The following GLUD1 variants were observed in gnomAD, a reference collection of about 807,000 sequenced individuals.
GLUD1 encodes glutamate dehydrogenase 1, mitochondrial.
GLUD1 carries 22 observed loss-of-function variants against 56.0 expected under a neutral mutation model. That is an observed-to-expected ratio of 0.39 (90% CI 0.28 to 0.56). GLUD1 has a LOEUF of 0.56. Among genes scored for constraint, GLUD1 ranks in the 20% least tolerant of loss-of-function variants. The pLI is 0.58. For missense variants in GLUD1, 451 were observed against 732.0 expected (o/e 0.62, Z 4.43); for synonymous variants, 223 against 269.9 (o/e 0.83, Z 1.70).
chr10:87,083,846 C>T (rs552173925), intron 1 of GLUD1, among the ~76,000 whole-genome samples: 1 of 151,904 alleles, frequency 6.6e-6, no homozygotes, highest in South Asian at 2.1e-4. Flanking sequence ...CACGCACACA[C>T]CGCATCTTAA....
chr10:87,066,430 C>T (rs1005050813), intron 5 of GLUD1, among the ~76,000 whole-genome samples: 2 of 152,174 alleles, frequency 1.3e-5, no homozygotes, highest in South Asian at 2.1e-4. Flanking sequence ...CCTGGCCTGA[C>T]CCTTTTTTCT....
rs1845607401 is a variant in GLUD1, at chr10:87,050,581, A to T, written c.*1170T>A. ...GAAATTTCTGAAGGGTGTTAGAGTT[A>T]AAAAAAAAAAAAAAGCTGACTCTTA... On this transcript the variant is annotated 3_prime_UTR_variant, in exon 13 of 13. Coordinates refer to ENST00000277865, the MANE Select transcript of GLUD1 (RefSeq NM_005271.5). The T allele has an allele frequency of 7.3e-6, 1 of 137,250 alleles. No homozygotes were observed. The highest frequency in any genetic ancestry group is 2.8e-5 in the African/African-American group (1 of 36,292). 8.5% of individuals were successfully genotyped at this position (137,250 alleles called of 1,614,324 possible).
At chr10:87,080,244 A>G (rs1841180770) in intron 1 of GLUD1, among the ~76,000 whole-genome samples, 1 of 151,856 alleles carries the variant, frequency 6.6e-6, no homozygotes, top group African/African-American at 2.4e-5. Flanking sequence ...TCAGTGCTCA[A>G]TGGTGCCCAG....
At chr10:87,053,530 T>TA (rs1278535547) in intron 11 of GLUD1, 126 bp from the exon 12 acceptor site, 2 of 719,472 alleles carry the variant, frequency 2.8e-6, no homozygotes, top group Non-Finnish European at 5.1e-6. Context: ...TTAGCTAAGA[T>TA]ATGTCATTTC....
At chr10:87,092,373 G>A (rs541961699) in intron 1 of GLUD1, among the ~76,000 whole-genome samples, 3 of 152,298 alleles carry the variant, frequency 2.0e-5, no homozygotes, top group East Asian at 3.9e-4. Flanking sequence ...CAGTTTACTA[G>A]TAACAATTCA....
intron 1 of GLUD1, among the ~76,000 whole-genome samples, chr10:87,086,477 G>C (rs1180674994): frequency 1.3e-5 from 2 of 152,174 alleles, no homozygotes; most frequent in African/African-American, 2.4e-5. Flanking sequence ...TTCCACTGCT[G>C]CCTAGCTTTC....
At chr10:87,062,421 T>G (rs972507073) in intron 6 of GLUD1, among the ~76,000 whole-genome samples, 1 of 152,204 alleles carries the variant, frequency 6.6e-6, no homozygotes, top group Non-Finnish European at 1.5e-5. Context: ...TTGGTGATAG[T>G]TTGGTTGAAG....
At chr10:87,065,449 C>T (rs942024280) in intron 5 of GLUD1, among the ~76,000 whole-genome samples, 1 of 152,070 alleles carries the variant, frequency 6.6e-6, no homozygotes, top group African/African-American at 2.4e-5. Context: ...TTGAATAGTG[C>T]AAACCAATGG....
intron 1 of GLUD1, among the ~76,000 whole-genome samples, chr10:87,077,751 T>C (rs958870683): frequency 1.3e-5 from 2 of 151,998 alleles, no homozygotes; most frequent in Non-Finnish European, 2.9e-5. Context: ...GGGTTGATGT[T>C]TGACTGCACA....
At position 87,075,939 on chromosome 10, in the gene GLUD1, T is replaced by TA. The variant is rs773097935; in HGVS notation, c.582+28dup. 1.3e-5 allele frequency: 18 copies of TA among 1,433,342 alleles called. No individual in the cohort carries two copies. In the South Asian group the frequency reaches 1.7e-4, roughly 14 times the overall value. 88.8% of individuals were successfully genotyped at this position (1,433,342 alleles called of 1,614,324 possible). A position where few individuals can be genotyped will look rare whatever the true frequency, so the allele number is the denominator to read the frequency against. On this transcript the variant is annotated intron_variant, in intron 3 of 12. Coordinates refer to ENST00000277865, the MANE Select transcript of GLUD1 (RefSeq NM_005271.5). The stretch of plus-strand genomic sequence containing the variant: ...AGAAAAACAAAAACAACAACAACAA[T>TA]AAAAAACAAATATCACTTTCATACT...
At chr10:87,086,964 T>C (rs1242920052) in intron 1 of GLUD1, among the ~76,000 whole-genome samples, 1 of 152,216 alleles carries the variant, frequency 6.6e-6, no homozygotes, top group Admixed American at 6.5e-5. Flanking sequence ...AATTCAGTTA[T>C]GACACTGACT....
At chr10:87,087,394 G>C (rs747884967) in intron 1 of GLUD1, among the ~76,000 whole-genome samples, 16 of 152,148 alleles carry the variant, frequency 1.1e-4, no homozygotes, top group Non-Finnish European at 1.8e-4. Context: ...ATGACTGATT[G>C]CTGATTAAAC....
intron 1 of GLUD1, among the ~76,000 whole-genome samples, chr10:87,093,425 T>C (rs972568409): frequency 6.6e-6 from 1 of 152,214 alleles, no homozygotes; most frequent in Admixed American, 6.5e-5. Flanking sequence ...TCTTATTTGC[T>C]CGAAGAAAGC....
chr10:87,074,437 G>GAGATCGACCA, intron 4 of GLUD1, 114 bp downstream of exon 4: 2 of 723,228 alleles, frequency 2.8e-6, no homozygotes, highest in Non-Finnish European at 5.1e-6. Context: ...GGAGGCGGAC[G>GAGATCGACCA]AGATCGCACC....
chr10:87,057,588 A>G (rs1845816982), intron 11 of GLUD1, 103 bp downstream of exon 11: 4 of 775,630 alleles, frequency 5.2e-6, no homozygotes, highest in Admixed American at 1.7e-5. Flanking sequence ...TGTCAAGCTA[A>G]TTACAAAGAC....
Position 87,089,608 on chromosome 10 carries a change from T to C in GLUD1, c.445+4717A>G, listed in dbSNP as rs905553636. 3 of 985,200 alleles carry C rather than the reference T, an allele frequency of 3.0e-6. No individual in the cohort carries two copies. The African/African-American group carries it at 5.2e-5, about 17-fold the overall frequency. The allele number at this position is 985,200 out of a possible 1,614,324, so 61.0% of individuals were successfully genotyped here. On this transcript the variant is annotated intron_variant, in intron 1 of 12. Coordinates refer to ENST00000277865, the MANE Select transcript of GLUD1 (RefSeq NM_005271.5). ...CAAGTGAAGGCAGAATGTGTGTGGCTGCAGAATCTTCTAGGTGTAGTTGCC... is the reference window on the plus strand; with the variant it reads ...CAAGTGAAGGCAGAATGTGTGTGGCCGCAGAATCTTCTAGGTGTAGTTGCC...
At chr10:87,079,297 G>A (rs1435262850) in intron 1 of GLUD1, among the ~76,000 whole-genome samples, 2 of 151,440 alleles carry the variant, frequency 1.3e-5, no homozygotes, top group Non-Finnish European at 2.9e-5. Flanking sequence ...ATTGAGTTGG[G>A]CGTGGGGGCA....
intron 3 of GLUD1, 98 bp downstream of exon 3, chr10:87,075,870 C>T (rs768465482): frequency 5.5e-5 from 47 of 848,596 alleles, no homozygotes; most frequent in African/African-American, 1.5e-4. Flanking sequence ...GCCAAGATTG[C>T]GCCATTGTAC....
Position 87,057,190 on chromosome 10 carries a change from T to C in GLUD1, c.1494+501A>G, listed in dbSNP as rs150000369. Among the ~76,000 whole-genome samples the C allele has an allele frequency of 1.9e-3, 288 of 152,290 alleles. 2 individuals carry two copies. Among genetic ancestry groups the C allele is most frequent in the African/African-American group, 6.5e-3 (272 of 41,568 alleles). The stretch of plus-strand genomic sequence containing the variant: ...ATTTTTAGTAGAGACGGGGTCACCA[T>C]GTTGGCCAGGATGGTGTCGATGACT... On this transcript the variant is annotated intron_variant, in intron 11 of 12. Transcript: ENST00000277865.
Sources: gnomAD v4.1 joint callset for allele counts (sites outside exome capture counted in the v4.1 genomes callset) on GRCh38, gnomAD v4.1.1 for gene constraint, MANE v1.5 for transcripts, NCBI Gene and HGNC (gene_info 2026-07-23, HGNC 2026-07-21) for gene names.